JAM2: variants seen among roughly 807,000 people sequenced by gnomAD.
JAM2 encodes junctional adhesion molecule 2.
A neutral mutation model predicts 42.0 loss-of-function variants in JAM2; 17 were observed. That is an observed-to-expected ratio of 0.40 (90% CI 0.28 to 0.61). The LOEUF (loss-of-function observed/expected upper bound fraction) is 0.61, where lower values mean the gene tolerates loss of function less well. Ranked by LOEUF, JAM2 falls within the 20% of genes least tolerant of loss-of-function variation. JAM2 has a pLI of 0.37. For synonymous variants in JAM2, 118 were observed against 128.6 expected, an observed-to-expected ratio of 0.92 and a Z score of 0.56; for missense variants, 319 against 358.3, an observed-to-expected ratio of 0.89 and a Z score of 0.89.
chr21:25,676,162 CCTG>C (rs923235700), intron 1 of JAM2, among the ~76,000 whole-genome samples: 4 of 151,772 alleles, frequency 2.6e-5, no homozygotes, highest in Non-Finnish European at 5.9e-5. Context: ...GTGGCACATG[CCTG>C]TAGTCCCAGC....
chr21:25,690,263 TC>T (rs1356621914), intron 3 of JAM2, among the ~76,000 whole-genome samples: 1 of 152,194 alleles, frequency 6.6e-6, no homozygotes, highest in African/African-American at 2.4e-5. Context: ...GTTCCTTCCT[TC>T]CTTTCTCTTC....
chr21:25,673,116 C>G (rs555056935), intron 1 of JAM2, among the ~76,000 whole-genome samples: 1 of 152,188 alleles, frequency 6.6e-6, no homozygotes, highest in Non-Finnish European at 1.5e-5. Flanking sequence ...TTCTTCATGT[C>G]TGATGAGGAG....
chr21:25,664,268 C>T (rs919708219), intron 1 of JAM2, among the ~76,000 whole-genome samples: 1 of 151,882 alleles, frequency 6.6e-6, no homozygotes, highest in African/African-American at 2.4e-5. Context: ...CAGAGTCTTT[C>T]TCTGTTTCCC....
chr21:25,657,373 T>C (rs925307738), intron 1 of JAM2, among the ~76,000 whole-genome samples: 11 of 152,228 alleles, frequency 7.2e-5, no homozygotes, highest in Non-Finnish European at 1.5e-4. Context: ...AGGTGACTCA[T>C]GGCAGGTTCA....
intron 3 of JAM2, among the ~76,000 whole-genome samples, chr21:25,692,853 T>C (rs1193126902): frequency 3.9e-5 from 6 of 152,220 alleles, no homozygotes; most frequent in African/African-American, 7.2e-5. Context: ...TTATGTCTGC[T>C]TACCTAGAAA....
intron 1 of JAM2, among the ~76,000 whole-genome samples, chr21:25,657,729 A>G (rs1169220108): frequency 6.6e-6 from 1 of 152,194 alleles, no homozygotes. Context: ...GTTTGATTTA[A>G]TGATTATTTG....
chr21:25,704,061 G>T (rs2034222307), intron 6 of JAM2, among the ~76,000 whole-genome samples: 2 of 144,694 alleles, frequency 1.4e-5, no homozygotes, highest in Admixed American at 6.9e-5. Context: ...CTACAAGACA[G>T]TTTTTTTTTT....
chr21:25,679,325 C>A (rs1181934255), intron 1 of JAM2, among the ~76,000 whole-genome samples: 2 of 152,190 alleles, frequency 1.3e-5, no homozygotes, highest in African/African-American at 4.8e-5. Flanking sequence ...ACAAACTTTT[C>A]AAAATCCTAG....
chr21:25,713,452 G>A (rs1048800995), intron 9 of JAM2, among the ~76,000 whole-genome samples: 1 of 151,130 alleles, frequency 6.6e-6, no homozygotes, highest in East Asian at 2.0e-4. Flanking sequence ...GAGTTCCTAT[G>A]GTTTTAGAGG....
chr21:25,700,839 C>T lies in JAM2; in HGVS notation c.598-1331C>T, dbSNP rs188709091. The stretch of plus-strand genomic sequence containing the variant: ...CTCTGGCCTCTCAGCAGTCAGCAGG[C>T]GCAGTCAGCAGGTCTGAGTGATTTT... On this transcript the variant is annotated intron_variant, in intron 5 of 9. Transcript: ENST00000480456. 3.8e-4 allele frequency among the ~76,000 whole-genome samples: 58 copies of T among 152,298 alleles called. 1 individual carries two copies. In the East Asian group the frequency reaches 5.0e-3, roughly 13 times the overall value.
At chr21:25,658,586 C>T (rs1040097023) in intron 1 of JAM2, among the ~76,000 whole-genome samples, 3 of 152,040 alleles carry the variant, frequency 2.0e-5, no homozygotes, top group Admixed American at 2.0e-4. Context: ...GGACAACCAA[C>T]AGAACCAGTG....
chr21:25,699,006 C>T (rs2034102466), intron 5 of JAM2, 127 bp downstream of exon 5: 1 of 785,780 alleles, frequency 1.3e-6, no homozygotes, highest in Non-Finnish European at 2.0e-6. Flanking sequence ...GGCAGGGGCA[C>T]CAGGAAAGAT....
At chr21:25,653,758 G>A (rs2032847105) in intron 1 of JAM2, among the ~76,000 whole-genome samples, 1 of 152,126 alleles carries the variant, frequency 6.6e-6, no homozygotes, top group Admixed American at 6.6e-5. Flanking sequence ...TGAGATTTGG[G>A]TAGGGACACA....
intron 3 of JAM2, among the ~76,000 whole-genome samples, 173 bp downstream of exon 3, chr21:25,690,146 G>T (rs1379941892): frequency 6.6e-6 from 1 of 152,206 alleles, no homozygotes; most frequent in Non-Finnish European, 1.5e-5. Context: ...CAAAAGCAGA[G>T]AACAGAGGGA....
At chr21:25,684,645 C>A (rs1018235282) in intron 2 of JAM2, among the ~76,000 whole-genome samples, 3 of 152,134 alleles carry the variant, frequency 2.0e-5, no homozygotes, top group Non-Finnish European at 4.4e-5. Context: ...ATCTGTCACC[C>A]ACACTGGAGT....
In JAM2 at chr21:25,677,506, G is replaced by A. The variant is rs113931211; in HGVS notation, c.68-6377G>A. 3.3e-3 allele frequency among the ~76,000 whole-genome samples: 499 copies of A among 152,226 alleles called. 6 individuals are homozygous for A. Among genetic ancestry groups the A allele is most frequent in the Non-Finnish European group, 4.3e-3 (290 of 68,012 alleles). ...TTTTAACAAGTAGAAAACTGTAATTGAGAAAGAGAAAATGATTTTCTTTCT... is the reference window on the plus strand; with the variant it reads ...TTTTAACAAGTAGAAAACTGTAATTAAGAAAGAGAAAATGATTTTCTTTCT... On this transcript the variant is annotated intron_variant, in intron 1 of 9. Coordinates refer to ENST00000480456, the MANE Select transcript of JAM2 (RefSeq NM_021219.4).
At chr21:25,680,403 A>G (rs2033601611) in intron 1 of JAM2, among the ~76,000 whole-genome samples, 1 of 152,250 alleles carries the variant, frequency 6.6e-6, no homozygotes, top group Non-Finnish European at 1.5e-5. Context: ...ATGACTCACA[A>G]TTCTTAGTCT....
At chr21:25,670,667 G>C (rs1018328820) in intron 1 of JAM2, among the ~76,000 whole-genome samples, 1 of 152,170 alleles carries the variant, frequency 6.6e-6, no homozygotes, top group African/African-American at 2.4e-5. Context: ...TTAGCTCACA[G>C]TTGGATGTGT....
At chr21:25,673,434 G>A (rs1385806748) in intron 1 of JAM2, among the ~76,000 whole-genome samples, 3 of 152,140 alleles carry the variant, frequency 2.0e-5, no homozygotes, top group African/African-American at 7.2e-5. Flanking sequence ...AACCAGAAAA[G>A]GGAGAGGGCA....
Sources: allele counts gnomAD v4.1 joint callset (sites outside exome capture counted in the v4.1 genomes callset), GRCh38; gene constraint gnomAD v4.1.1; transcripts MANE v1.5; gene names NCBI Gene and HGNC (gene_info 2026-07-23, HGNC 2026-07-21).